The following GABRG3 variants were observed in gnomAD, a reference collection of about 807,000 sequenced individuals.
The protein encoded by GABRG3 is gamma-aminobutyric acid receptor subunit gamma-3.
A neutral mutation model predicts 48.8 loss-of-function variants in GABRG3; 25 were observed. That is an observed-to-expected ratio of 0.51 (90% CI 0.37 to 0.72). The LOEUF (loss-of-function observed/expected upper bound fraction) is 0.72, where lower values mean the gene tolerates loss of function less well. Ranked by LOEUF, GABRG3 falls within the 30% of genes least tolerant of loss-of-function variation. The pLI is 0.00. For synonymous variants in GABRG3, 227 were observed against 217.6 expected (o/e 1.04, Z -0.38); for missense variants, 394 against 577.9 (o/e 0.68, Z 3.26).
intron 3 of GABRG3, among the ~76,000 whole-genome samples, chr15:27,201,983 C>A (rs208155): frequency 0.02 from 3,085 of 152,122 alleles, 49 homozygotes; most frequent in African/African-American, 0.038. Context: ...ATTAAAAGAG[C>A]AAAAATGTAA....
intron 5 of GABRG3, among the ~76,000 whole-genome samples, chr15:27,475,129 C>CA (rs1437390996): frequency 6.6e-6 from 1 of 151,624 alleles, no homozygotes; most frequent in Admixed American, 6.6e-5. Context: ...GACTCCATCT[C>CA]AAAAAAAATC....
intron 3 of GABRG3, among the ~76,000 whole-genome samples, chr15:27,289,639 T>G (rs1399768815): frequency 1.3e-5 from 2 of 152,142 alleles, no homozygotes; most frequent in African/African-American, 4.8e-5. Context: ...GTCTAACAAT[T>G]CTGATACCAC....
chr15:27,047,907 G>A (rs1285502234), intron 3 of GABRG3, among the ~76,000 whole-genome samples: 1 of 152,190 alleles, frequency 6.6e-6, no homozygotes, highest in Non-Finnish European at 1.5e-5. Context: ...TTTGCTAAAT[G>A]TGTTGAACCC....
chr15:27,469,740 A>G (rs766268881), intron 5 of GABRG3, among the ~76,000 whole-genome samples: 3 of 152,130 alleles, frequency 2.0e-5, no homozygotes, highest in Non-Finnish European at 4.4e-5. Context: ...TTGGCTGACT[A>G]TATTCTCATG....
At chr15:27,019,646 G>A (rs914935557) in intron 2 of GABRG3, among the ~76,000 whole-genome samples, 2 of 152,182 alleles carry the variant, frequency 1.3e-5, no homozygotes, top group Admixed American at 1.3e-4. Context: ...TGGTGATGGG[G>A]TGTAGGGGAT....
chr15:27,454,753 C>T (rs574820236), intron 5 of GABRG3, among the ~76,000 whole-genome samples: 1 of 152,292 alleles, frequency 6.6e-6, no homozygotes, highest in East Asian at 1.9e-4. Context: ...AGTAAGTCAT[C>T]CCTGTCCACA....
At chr15:27,014,367 GA>G (rs1895741387) in intron 2 of GABRG3, among the ~76,000 whole-genome samples, 1 of 142,382 alleles carries the variant, frequency 7.0e-6, no homozygotes, top group East Asian at 2.0e-4. Flanking sequence ...TTAGTTTTTT[GA>G]GGGTGTAAAC....
At chr15:27,306,934 A>ATATAAACATATATAATATAAACATGTT (rs1892542809) in intron 3 of GABRG3, among the ~76,000 whole-genome samples, 1 of 128,784 alleles carries the variant, frequency 7.8e-6, no homozygotes, top group Non-Finnish European at 1.6e-5. Context: ...ACATGTTTAT[A>ATATAAACATATATAATATAAACATGTT]TATAAACATA....
intron 5 of GABRG3, chr15:27,340,972 G>T: frequency 2.0e-6 from 1 of 508,186 alleles, no homozygotes; most frequent in Non-Finnish European, 3.9e-6. Context: ...TTTGTTTTGG[G>T]GTGTGTTTTG....
At chr15:26,984,411 A>G (rs1452659482) in intron 2 of GABRG3, among the ~76,000 whole-genome samples, 4 of 152,220 alleles carry the variant, frequency 2.6e-5, no homozygotes, top group Non-Finnish European at 5.9e-5. Context: ...TGTTGCGTGG[A>G]AGTAACAAAT....
At chr15:27,060,047 C>A (rs1357173395) in intron 3 of GABRG3, among the ~76,000 whole-genome samples, 1 of 152,068 alleles carries the variant, frequency 6.6e-6, no homozygotes, top group Non-Finnish European at 1.5e-5. Context: ...GGTCATAAAC[C>A]AAGAGATAAG....
intron 3 of GABRG3, among the ~76,000 whole-genome samples, chr15:27,200,484 G>T (rs1172844328): frequency 1.3e-5 from 2 of 152,172 alleles, no homozygotes; most frequent in Admixed American, 6.5e-5. Flanking sequence ...TGTGTTAGGT[G>T]CTGCATGCAA....
intron 3 of GABRG3, among the ~76,000 whole-genome samples, chr15:27,136,683 C>T (rs1898014070): frequency 6.6e-6 from 1 of 152,082 alleles, no homozygotes; most frequent in Admixed American, 6.6e-5. Flanking sequence ...AATAGCATTT[C>T]CCAATTATGT....
At chr15:27,358,829 G>T (rs1894927305) in intron 5 of GABRG3, among the ~76,000 whole-genome samples, 1 of 152,180 alleles carries the variant, frequency 6.6e-6, no homozygotes, top group Admixed American at 6.5e-5. Flanking sequence ...CTACGTAGGA[G>T]GGCCTGGTTG....
At chr15:27,487,550 C>A (rs1890249820) in intron 6 of GABRG3, among the ~76,000 whole-genome samples, 2 of 152,228 alleles carry the variant, frequency 1.3e-5, no homozygotes, top group Non-Finnish European at 2.9e-5. Flanking sequence ...GATGCCAGGG[C>A]CACAAAGAGT....
At chr15:27,446,852 G>A (rs1888959812) in intron 5 of GABRG3, among the ~76,000 whole-genome samples, 2 of 152,096 alleles carry the variant, frequency 1.3e-5, no homozygotes, top group African/African-American at 4.8e-5. Flanking sequence ...CACAGAGGAA[G>A]CTAGAAATAT....
At chr15:27,464,068 GT>G (rs1449361806) in intron 5 of GABRG3, among the ~76,000 whole-genome samples, 1 of 152,008 alleles carries the variant, frequency 6.6e-6, no homozygotes, top group African/African-American at 2.4e-5. Flanking sequence ...ACTACTCCAG[GT>G]TTTTTTAAAT....
chr15:27,450,757 G>C (rs187268950), intron 5 of GABRG3, among the ~76,000 whole-genome samples: 3 of 151,906 alleles, frequency 2.0e-5, no homozygotes, highest in Non-Finnish European at 2.9e-5. Context: ...CAAATCTTCT[G>C]AAAAAAAGAA....
At chr15:27,380,808 C>T (rs550352223) in intron 5 of GABRG3, among the ~76,000 whole-genome samples, 1 of 148,600 alleles carries the variant, frequency 6.7e-6, no homozygotes, top group Non-Finnish European at 1.5e-5. Flanking sequence ...CTCTGTTGCC[C>T]AGGCTGGAGT....
Sources: allele counts gnomAD v4.1 joint callset (sites outside exome capture counted in the v4.1 genomes callset), GRCh38; gene constraint gnomAD v4.1.1; transcripts MANE v1.5; gene names NCBI Gene and HGNC (gene_info 2026-07-23, HGNC 2026-07-21).